The following RSAD1 variants were observed in gnomAD, a reference collection of about 807,000 sequenced individuals.
The protein encoded by RSAD1 is radical S-adenosyl methionine domain-containing protein 1, mitochondrial.
RSAD1 carries 34 observed loss-of-function variants against 46.2 expected under a neutral mutation model. The observed-to-expected ratio is 0.74, with a 90% confidence interval of 0.56 to 0.98. RSAD1 has a LOEUF of 0.98. Among genes scored for constraint, RSAD1 ranks in the 50% least tolerant of loss-of-function variants. The probability of loss-of-function intolerance (pLI) is 0.00; values close to 1 mark genes in which losing one functional copy is unlikely to be tolerated. For missense variants in RSAD1, 635 were observed against 592.3 expected, an observed-to-expected ratio of 1.07 and a Z score of -0.75; for synonymous variants, 260 against 253.5, an observed-to-expected ratio of 1.03 and a Z score of -0.24.
Position 50,478,976 on chromosome 17 carries a change from C to A in RSAD1, c.92C>A (p.Pro31Gln). The A allele has an allele frequency of 1.4e-6, 2 of 1,401,690 alleles. No homozygotes were observed. The highest frequency in any genetic ancestry group is 3.0e-5 in the East Asian group (1 of 33,320). 86.8% of individuals were successfully genotyped at this position (1,401,690 alleles called of 1,614,324 possible). Residue 31 changes from proline to glutamine, a missense_variant, in exon 1 of 9, where the codon CCG becomes CAG. Pro to Gln is a moderately conservative substitution (Grantham distance 76). Transcript: ENST00000258955. Reference sequence around the variant, plus strand: ...CGCGTGGAGAACGCAGGAGGGTCCCCGAGTCCTGAGCCTGCGGGCCGGCGC... The same window carrying A: ...CGCGTGGAGAACGCAGGAGGGTCCCAGAGTCCTGAGCCTGCGGGCCGGCGC... ...RRRVENAGGS[P>Q]SPEPAGRRAA...
rs1366434979 is a variant in RSAD1 at position 50,478,883 on chromosome 17, C to T, written c.-2C>T. 16 of 1,293,530 alleles carry T rather than the reference C, an allele frequency of 1.2e-5. No individual in the cohort carries two copies. The highest frequency in any genetic ancestry group is 8.5e-5 in the Admixed American group (2 of 23,484). 80.1% of individuals were successfully genotyped at this position (1,293,530 alleles called of 1,614,324 possible). On this transcript the variant is annotated 5_prime_UTR_variant, in exon 1 of 9. Coordinates refer to ENST00000258955, the MANE Select transcript of RSAD1 (RefSeq NM_018346.3). ...TCAGTGCGCCGCGCTGCGCTGGGCGCCATGGCGCTCCCCGGAGCCCGGGCT... is the reference window on the plus strand; with the variant it reads ...TCAGTGCGCCGCGCTGCGCTGGGCGTCATGGCGCTCCCCGGAGCCCGGGCT...
At position 50,484,767 on chromosome 17, in the gene RSAD1, G is replaced by T. The variant is rs1005210334; in HGVS notation, c.1235G>T (p.Gly412Val). Residue 412 changes from glycine to valine, a missense_variant, in exon 9 of 9, where the codon GGT becomes GTT. Transcript: ENST00000258955. Reference sequence around the variant, plus strand: ...AGGGGTCTTCGGTGTTCCTGGGAGGGTCTGGCTGTGCTGGACTCTCTCTTG... The same window carrying T: ...AGGGGTCTTCGGTGTTCCTGGGAGGTTCTGGCTGTGCTGGACTCTCTCTTG... The part of the protein sequence containing the change: ...DHRGLRCSWE[G>V]LAVLDSLLLT... 2 of 1,614,062 alleles carry T rather than the reference G, an allele frequency of 1.2e-6. No individual in the cohort carries two copies. The highest frequency in any genetic ancestry group is 2.2e-5 in the East Asian group (1 of 44,880).
chr17:50,479,018 A>C lies in RSAD1; in HGVS notation c.134A>C (p.His45Pro). ...PAGRRAALYV[H>P]WPYCEKRCSY... ...GGCCGGCGCGCGGCGCTTTACGTAC[A>C]CGTGAGTAGGGGCGGGGGCGGAGCC... Residue 45 changes from histidine to proline, a missense_variant and splice_region_variant, in exon 1 of 9, where the codon CAC (histidine) becomes CCC (proline). By Grantham distance (77) the His-to-Pro change is moderately conservative (BLOSUM62 -2). Transcript: ENST00000258955. The C allele has an allele frequency of 7.4e-7, 1 of 1,351,750 alleles. No homozygotes were observed. The highest frequency in any genetic ancestry group is 9.4e-7 in the Non-Finnish European group (1 of 1,058,382). 83.7% of individuals were successfully genotyped at this position (1,351,750 alleles called of 1,614,324 possible).
chr17:50,484,826 C>T lies in RSAD1; in HGVS notation c.1294C>T (p.Gln432Ter), dbSNP rs1286844013. Residue 432 changes from glutamine to a stop codon, truncating the protein, a stop_gained, in exon 9 of 9, where the codon CAG becomes TAG. Transcript: ENST00000258955. LOFTEE classifies it high-confidence loss of function. Reference protein sequence around the residue: ...TLLPQLQEAWQQRTPSPVPGG With the variant: ...TLLPQLQEAW The stretch of plus-strand genomic sequence containing the variant: ...CCTGCCTCAGCTCCAAGAAGCCTGG[C>T]AGCAGAGAACCCCCTCCCCTGTGCC... 5 of 1,613,894 alleles carry T rather than the reference C, an allele frequency of 3.1e-6. No homozygotes were observed. The highest frequency in any genetic ancestry group is 4.2e-6 in the Non-Finnish European group (5 of 1,179,958).
In RSAD1 at chr17:50,483,429, G is replaced by T; in HGVS notation, c.994G>T (p.Glu332Ter). The T allele has an allele frequency of 6.2e-7, 1 of 1,613,822 alleles. No homozygotes were observed. Among genetic ancestry groups the T allele is most frequent in the South Asian group, 1.1e-5 (1 of 90,972 alleles). The change falls in exon 6 of 9, where the codon GAG (glutamate) becomes TAG (stop). Residue 332 changes from glutamate to a stop codon, truncating the protein, a stop_gained. Coordinates refer to ENST00000258955, the MANE Select transcript of RSAD1 (RefSeq NM_018346.3). LOFTEE classifies it high-confidence loss of function. ...ACTGGAGCCTGACAACTGGATGAAG[G>T]AGGTGATGCTGTTTGGCCATGGCAC... ...QTLEPDNWMK[E>*]VMLFGHGTRK...
chr17:50,479,997 A>G lies in RSAD1; in HGVS notation c.387A>G (p.Thr129=). 1.2e-6 allele frequency: 2 copies of G among 1,614,184 alleles called. No individual in the cohort carries two copies. Among genetic ancestry groups the G allele is most frequent in the Non-Finnish European group, 1.7e-6 (2 of 1,180,020 alleles). ...AAHLPADLEV[T]LEANPTSAPG... ...ACCTGCCTGCAGACTTGGAAGTCAC[A>G]TTGGAGGCTAATCCTACTTCAGCTC... Residue 129 remains threonine (T), a synonymous_variant, in exon 3 of 9, where the codon ACA becomes ACG. Coordinates refer to ENST00000258955, the MANE Select transcript of RSAD1 (RefSeq NM_018346.3).
chr17:50,483,140 A>T lies in RSAD1; in HGVS notation c.905-200A>T, dbSNP rs1005765048. 3.7e-5 allele frequency among the ~76,000 whole-genome samples: 5 copies of T among 133,666 alleles called. No homozygotes were observed. In the Admixed American group the frequency reaches 4.4e-4, roughly 12 times the overall value. 87.7% of individuals were successfully genotyped at this position (133,666 alleles called of 152,430 possible). On this transcript the variant is annotated intron_variant, in intron 5 of 8. Coordinates refer to ENST00000258955, the MANE Select transcript of RSAD1 (RefSeq NM_018346.3). ...GATCGTTTGACCCCAGGCGTCCAAG[A>T]CCAGCCTGGGCAGTATAGTGAGACA...
intron 4 of RSAD1, 91 bp from the exon 5 acceptor site, chr17:50,482,552 A>G (rs972863235): frequency 6.2e-7 from 1 of 1,612,254 alleles, no homozygotes; most frequent in African/African-American, 1.3e-5. Context: ...CCTGGCCGAG[A>G]TGGTGGGACA....
At chr17:50,479,100 G>A (rs149537626) in intron 1 of RSAD1, 81 bp downstream of exon 1, 2 of 1,254,346 alleles carry the variant, frequency 1.6e-6, no homozygotes, top group East Asian at 3.2e-5. Flanking sequence ...CCCAGGTGGC[G>A]GTTTGTCACT....
rs748683705 is a variant in RSAD1, at chr17:50,480,045, C to T, written c.435C>T (p.Phe145=). 1.6e-5 allele frequency: 26 copies of T among 1,613,978 alleles called. No homozygotes were observed. The highest frequency in any genetic ancestry group is 1.6e-4 in the East Asian group (7 of 44,882). Residue 145 remains phenylalanine, a synonymous_variant, in exon 3 of 9, where the codon TTC becomes TTT. Transcript: ENST00000258955. ...CTCCGGGCTCCAGACTGGCAGAGTT[C>T]GGGGCAGCAGGGGTTAACAGGTTGT... ...TSAPGSRLAE[F]GAAGVNRLSI...
intron 8 of RSAD1, 48 bp from the exon 9 acceptor site, chr17:50,484,696 G>A: frequency 1.3e-6 from 2 of 1,579,326 alleles, no homozygotes; most frequent in East Asian, 4.5e-5. Context: ...TGATGGGCTT[G>A]AAATTGGTAA....
intron 5 of RSAD1, 151 bp from the exon 6 acceptor site, chr17:50,483,189 A>AAAAAAAAAAAAAAAAAAAG (rs779338411): frequency 9.2e-5 from 25 of 270,616 alleles, no homozygotes; most frequent in African/African-American, 2.8e-4. Context: ...AAAAAAAAAA[A>AAAAAAAAAAAAAAAAAAAG]AAAGAAAGAA....
rs377741770 is a variant in RSAD1, at chr17:50,483,768, G to A, written c.1107+8G>A. On this transcript the variant is annotated splice_region_variant and intron_variant, in intron 7 of 8. Coordinates refer to ENST00000258955, the MANE Select transcript of RSAD1 (RefSeq NM_018346.3). ...GTGGGGATCACTCACCAGGTAAGGA[G>A]TTAGGATTCTTGCACACCACTCCCT... 3 of 1,603,460 alleles carry A rather than the reference G, an allele frequency of 1.9e-6. No homozygotes were observed. Among genetic ancestry groups the A allele is most frequent in the Middle Eastern group, 1.7e-4 (1 of 5,968 alleles).
chr17:50,484,188 G>A (rs1410609031), intron 7 of RSAD1: 3 of 520,834 alleles, frequency 5.8e-6, no homozygotes, highest in East Asian at 3.3e-5. Context: ...GCTAGAGCTG[G>A]CTGAGAGGGG....
intron 3 of RSAD1, 163 bp downstream of exon 3, chr17:50,480,247 T>C: frequency 1.5e-6 from 1 of 688,124 alleles, no homozygotes. Context: ...AATTGTCTGC[T>C]GCTGTCATAG....
chr17:50,483,830 ACCC>A, intron 7 of RSAD1, 70 bp downstream of exon 7: 1 of 1,352,820 alleles, frequency 7.4e-7, no homozygotes, highest in Non-Finnish European at 1.0e-6. Flanking sequence ...CCTCCCTGCC[ACCC>A]CCCCCACACA....
Position 50,479,937 on chromosome 17 carries a change from G to A in RSAD1, c.327G>A (p.Val109=), listed in dbSNP as rs757467665. The change falls in exon 3 of 9, where the codon GTG becomes GTA. Residue 109 remains valine (V), a synonymous_variant. Transcript: ENST00000258955. The part of the protein sequence containing the change: ...GTPSLASPHT[V]AAVLEAVAQA... ...CCAGTCTAGCCAGTCCCCACACGGT[G>A]GCTGCTGTCCTGGAGGCTGTGGCAC... 19 of 1,614,098 alleles carry A rather than the reference G, an allele frequency of 1.2e-5. No individual in the cohort carries two copies. The Admixed American group carries it at 3.0e-4, about 25-fold the overall frequency.
chr17:50,483,790 C>CAGT (rs747943031), intron 7 of RSAD1, 30 bp downstream of exon 7: 138 of 1,595,156 alleles, frequency 8.7e-5, no homozygotes, highest in Non-Finnish European at 1.1e-4. Flanking sequence ...GCACACCACT[C>CAGT]CCTCCTAAAG....
chr17:50,479,648 G>A lies in RSAD1; in HGVS notation c.155G>A (p.Arg52His), dbSNP rs1261674343. 6 of 1,613,666 alleles carry A rather than the reference G, an allele frequency of 3.7e-6. No homozygotes were observed. Among genetic ancestry groups the A allele is most frequent in the Admixed American group, 1.7e-5 (1 of 60,006 alleles). ...CCCCAGTGGCCTTACTGCGAGAAGCGCTGCAGTTACTGCAACTTCAACAAG... is the reference window on the plus strand; with the variant it reads ...CCCCAGTGGCCTTACTGCGAGAAGCACTGCAGTTACTGCAACTTCAACAAG... Reference protein sequence around the residue: ...LYVHWPYCEKRCSYCNFNKYI... With the variant: ...LYVHWPYCEKHCSYCNFNKYI... The change falls in exon 2 of 9, where the codon CGC becomes CAC. Residue 52 changes from arginine (R) to histidine (H), a missense_variant. Arg to His is a conservative substitution (Grantham distance 29, BLOSUM62 0). Coordinates refer to ENST00000258955, the MANE Select transcript of RSAD1 (RefSeq NM_018346.3).
Sources: gnomAD v4.1 joint callset for allele counts (sites outside exome capture counted in the v4.1 genomes callset) on GRCh38, gnomAD v4.1.1 for gene constraint, MANE v1.5 for transcripts, NCBI Gene and HGNC (gene_info 2026-07-23, HGNC 2026-07-21) for gene names.